The following PHF2 variants were observed in gnomAD, a reference collection of about 807,000 sequenced individuals.
The protein encoded by PHF2 is lysine-specific demethylase PHF2.
A neutral mutation model predicts 120.5 loss-of-function variants in PHF2; 27 were observed. The ratio of observed to expected loss-of-function variants is 0.22; its 90% CI spans 0.17 to 0.31. PHF2 has a LOEUF of 0.31. Among genes scored for constraint, PHF2 ranks in the 10% least tolerant of loss-of-function variants. PHF2 has a pLI of 1.00. For synonymous variants in PHF2, 568 were observed against 592.5 expected, an observed-to-expected ratio of 0.96 and a Z score of 0.60; for missense variants, 1,024 against 1,434.8, an observed-to-expected ratio of 0.71 and a Z score of 4.63.
rs373485617 is a variant in PHF2 at position 93,622,570 on chromosome 9, G to A, written c.99-7400G>A. On this transcript the variant is annotated intron_variant, in intron 1 of 21. Coordinates refer to ENST00000359246, the MANE Select transcript of PHF2 (RefSeq NM_005392.4). ...ACTGGCTTTGAACATGGAAGGGGCC[G>A]GGAGCCAGGGAGTGCAGATGGCCTC... is the stretch of plus-strand genomic sequence containing the variant. Among the ~76,000 whole-genome samples the A allele has an allele frequency of 5.3e-5, 8 of 152,150 alleles. No individual in the cohort carries two copies. In the South Asian group the frequency reaches 1.4e-3, roughly 28 times the overall value.
intron 4 of PHF2, among the ~76,000 whole-genome samples, chr9:93,648,541 A>G (rs1185303522): frequency 6.6e-6 from 1 of 152,116 alleles, no homozygotes. Context: ...TCCTCCCTCT[A>G]TCAGTCATGA....
At position 93,667,132 on chromosome 9, in the gene PHF2, C is replaced by G. The variant is rs767726027; in HGVS notation, c.2240C>G (p.Pro747Arg). 1.4e-5 allele frequency: 23 copies of G among 1,613,186 alleles called. No homozygotes were observed. In the South Asian group the frequency reaches 2.5e-4, roughly 18 times the overall value. ...CTGCACATCGACACAGACACCAAGC[C>G]CGGCCGCAATGCCAGAGTCAAGAAG... ...GSLHIDTDTK[P>R]GRNARVKKES... The change falls in exon 17 of 22, where the codon CCC (proline) becomes CGC (arginine). Residue 747 changes from proline to arginine, a missense_variant. By Grantham distance (103) the Pro-to-Arg change is moderately radical. Transcript: ENST00000359246.
chr9:93,623,330 CA>C (rs1825855256), intron 1 of PHF2, among the ~76,000 whole-genome samples: 1 of 152,294 alleles, frequency 6.6e-6, no homozygotes, highest in South Asian at 2.1e-4. Context: ...TCTGGTCCCA[CA>C]AAAGTCTTTG....
rs756057451 is a variant in PHF2 at position 93,675,718 on chromosome 9, G to T, written c.2761G>T (p.Val921Leu). 1 of 1,613,362 alleles carries T rather than the reference G, an allele frequency of 6.2e-7. No homozygotes were observed. The highest frequency in any genetic ancestry group is 8.5e-7 in the Non-Finnish European group (1 of 1,179,912). Residue 921 changes from valine to leucine, a missense_variant, in exon 20 of 22, where the codon GTG becomes TTG. This residue lies in a region of PHF2 where 677 missense variants were observed against 857.4 expected (regional missense o/e 0.79). Transcript: ENST00000359246. ...ATCGGTGCCAAGACAGGACAGGCCT[G>T]TGCGTGAGGGTACACGGGTGGCTTC... ...GPSVPRQDRP[V>L]REGTRVASIE...
At chr9:93,609,662 G>A (rs1206670173) in intron 1 of PHF2, among the ~76,000 whole-genome samples, 2 of 151,874 alleles carry the variant, frequency 1.3e-5, no homozygotes, top group African/African-American at 2.4e-5. Context: ...TTCTCTGTAG[G>A]TAAGGTGTTT....
chr9:93,675,152 G>A (rs1040850450), intron 19 of PHF2, 130 bp downstream of exon 19: 3 of 713,708 alleles, frequency 4.2e-6, no homozygotes, highest in Admixed American at 2.3e-5. Context: ...GGGCTGGGCA[G>A]CCCGTCCCGC....
intron 1 of PHF2, among the ~76,000 whole-genome samples, chr9:93,596,410 C>G (rs1454550244): frequency 6.6e-6 from 1 of 151,980 alleles, no homozygotes; most frequent in Non-Finnish European, 1.5e-5. Context: ...TGAAGAAATG[C>G]GTGTGCACTG....
At chr9:93,626,867 T>G (rs771262484) in intron 1 of PHF2, among the ~76,000 whole-genome samples, 3 of 152,248 alleles carry the variant, frequency 2.0e-5, no homozygotes, top group Non-Finnish European at 4.4e-5. Context: ...CTAGGAACCC[T>G]TGTCAAAAAT....
intron 3 of PHF2, among the ~76,000 whole-genome samples, chr9:93,638,095 A>T (rs1307042009): frequency 6.6e-6 from 1 of 150,572 alleles, no homozygotes; most frequent in Non-Finnish European, 1.5e-5. Flanking sequence ...AAAAATGACT[A>T]TTCAGGTCCT....
chr9:93,604,627 G>T (rs1291389524), intron 1 of PHF2, among the ~76,000 whole-genome samples: 2 of 151,616 alleles, frequency 1.3e-5, no homozygotes, highest in East Asian at 2.0e-4. Context: ...ACCACACCCG[G>T]CTAATTTTTT....
At chr9:93,668,369 A>G (rs917303350) in intron 17 of PHF2, among the ~76,000 whole-genome samples, 3 of 152,120 alleles carry the variant, frequency 2.0e-5, no homozygotes, top group Non-Finnish European at 4.4e-5. Context: ...TGCTTCACAC[A>G]GCTCTTTGGG....
intron 1 of PHF2, among the ~76,000 whole-genome samples, chr9:93,589,542 T>C (rs1863129331): frequency 6.6e-6 from 1 of 152,196 alleles, no homozygotes; most frequent in Non-Finnish European, 1.5e-5. Flanking sequence ...GGGCAAGAAA[T>C]GACTAACCTG....
chr9:93,670,349 G>A (rs1826759504), intron 17 of PHF2, among the ~76,000 whole-genome samples: 1 of 152,254 alleles, frequency 6.6e-6, no homozygotes, highest in African/African-American at 2.4e-5. Context: ...ACTAGAAAGG[G>A]ACGTTGCAGG....
intron 18 of PHF2, among the ~76,000 whole-genome samples, chr9:93,674,167 T>C (rs1826865794): frequency 6.6e-6 from 1 of 152,136 alleles, no homozygotes; most frequent in Non-Finnish European, 1.5e-5. Context: ...GCCATCTTGC[T>C]TCCTCCTGAA....
intron 3 of PHF2, 53 bp from the exon 4 acceptor site, chr9:93,645,576 C>G (rs575673342): frequency 6.7e-7 from 1 of 1,497,934 alleles, no homozygotes; most frequent in Non-Finnish European, 8.9e-7. Context: ...ACACCTGTCC[C>G]GGTGCAGGAG....
At chr9:93,593,111 A>AG (rs1825264756) in intron 1 of PHF2, among the ~76,000 whole-genome samples, 1 of 106,728 alleles carries the variant, frequency 9.4e-6, no homozygotes, top group African/African-American at 3.2e-5. Flanking sequence ...AAAAAAAAAA[A>AG]GAAAAAAAAA....
intron 7 of PHF2, among the ~76,000 whole-genome samples, chr9:93,655,704 A>G (rs1029456030): frequency 5.3e-5 from 8 of 152,136 alleles, no homozygotes; most frequent in African/African-American, 1.7e-4. Flanking sequence ...ACCCCCTTCC[A>G]TGGAGGCTGG....
At chr9:93,587,866 C>T (rs570687899) in intron 1 of PHF2, among the ~76,000 whole-genome samples, 22 of 152,244 alleles carry the variant, frequency 1.4e-4, no homozygotes, top group African/African-American at 4.6e-4. Context: ...CCTCACTGAC[C>T]GTCCGTTCTC....
chr9:93,577,307 G>C (rs1393644308), intron 1 of PHF2, among the ~76,000 whole-genome samples: 3 of 151,766 alleles, frequency 2.0e-5, no homozygotes, highest in South Asian at 4.1e-4. Flanking sequence ...GCGGGCTCGG[G>C]GTTGGCCGGG....
Sources: gnomAD v4.1 joint callset for allele counts (sites outside exome capture counted in the v4.1 genomes callset) on GRCh38, gnomAD v4.1.1 for gene constraint, gnomAD v4.1.1 regional missense constraint, MANE v1.5 for transcripts, NCBI Gene and HGNC (gene_info 2026-07-23, HGNC 2026-07-21) for gene names.